Variants in NLGN1 observed in about 807,000 individuals in gnomAD.
NLGN1 encodes neuroligin-1.
In NLGN1, 12 loss-of-function variants were observed where a neutral mutation model predicts 65.5. The ratio of observed to expected loss-of-function variants is 0.18; its 90% CI spans 0.12 to 0.30. NLGN1 has a LOEUF of 0.30. Ranked by LOEUF, NLGN1 falls within the 10% of genes least tolerant of loss-of-function variation. NLGN1 has a pLI of 1.00. For missense variants in NLGN1, 750 were observed against 1,007.1 expected (o/e 0.74, Z 3.46); for synonymous variants, 350 against 359.5 (o/e 0.97, Z 0.30).
intron 4 of NLGN1, among the ~76,000 whole-genome samples, chr3:174,116,784 A>G (rs2152633249): frequency 6.6e-6 from 1 of 152,308 alleles, no homozygotes; most frequent in African/African-American, 2.4e-5. Flanking sequence ...GATAATGGCA[A>G]TTGAAATAGA....
intron 4 of NLGN1, among the ~76,000 whole-genome samples, chr3:173,932,470 A>G (rs1191626296): frequency 6.6e-6 from 1 of 151,930 alleles, no homozygotes; most frequent in Non-Finnish European, 1.5e-5. Flanking sequence ...TAACTAGGAC[A>G]TCTGTCTATG....
At chr3:173,892,383 C>A (rs1735516047) in intron 4 of NLGN1, among the ~76,000 whole-genome samples, 1 of 151,730 alleles carries the variant, frequency 6.6e-6, no homozygotes, top group Non-Finnish European at 1.5e-5. Flanking sequence ...TTGGGAGGAA[C>A]AAAACATTAT....
chr3:173,478,268 T>C (rs1280444559), intron 2 of NLGN1, among the ~76,000 whole-genome samples: 3 of 152,178 alleles, frequency 2.0e-5, no homozygotes, highest in Non-Finnish European at 4.4e-5. Context: ...TGGTTGGATC[T>C]GGAAGCCATT....
chr3:173,608,239 G>A lies in NLGN1; in HGVS notation c.493+3148G>A, dbSNP rs115423945. On this transcript the variant is annotated intron_variant, in intron 3 of 6. Coordinates refer to ENST00000457714, the Ensembl canonical transcript of NLGN1. ...ATAGGCTGCCTTCATTTTAAAACGG[G>A]TCCCAGTTGTACTTTTTAATCTGTT... Among the ~76,000 whole-genome samples, 1,416 of 151,852 alleles carry A rather than the reference G, an allele frequency of 9.3e-3. 17 individuals carry two copies. The highest frequency in any genetic ancestry group is 0.013 in the Non-Finnish European group (872 of 67,820).
intron 4 of NLGN1, among the ~76,000 whole-genome samples, chr3:174,089,530 A>C (rs952634637): frequency 3.9e-5 from 6 of 152,204 alleles, no homozygotes; most frequent in Non-Finnish European, 7.3e-5. Flanking sequence ...AAAGGAACAC[A>C]CAATTTTAGA....
intron 4 of NLGN1, among the ~76,000 whole-genome samples, chr3:173,997,272 A>G (rs561288805): frequency 6.6e-6 from 1 of 152,220 alleles, no homozygotes; most frequent in South Asian, 2.1e-4. Flanking sequence ...ATGGAGGAAC[A>G]ATGTTCCCAC....
intron 4 of NLGN1, among the ~76,000 whole-genome samples, chr3:174,009,364 A>G (rs936382645): frequency 2.6e-5 from 4 of 152,220 alleles, no homozygotes; most frequent in Non-Finnish European, 2.9e-5. Context: ...GGTCATAGGA[A>G]GTATTAATGA....
At chr3:173,805,818 AAACTGTATGTAGCAAACAGGCATTT>A (rs1716511435) in intron 3 of NLGN1, among the ~76,000 whole-genome samples, 1 of 152,204 alleles carries the variant, frequency 6.6e-6, no homozygotes, top group African/African-American at 2.4e-5. Flanking sequence ...TAAGAAGCTG[AAACTGTATGTAGCAAACAGGCATTT>A]AAGGTGCACA....
chr3:173,753,004 C>A (rs536222592), intron 3 of NLGN1, among the ~76,000 whole-genome samples: 4 of 152,250 alleles, frequency 2.6e-5, no homozygotes, highest in African/African-American at 7.2e-5. Flanking sequence ...ATACCATCCT[C>A]TTTTGCCAAC....
intron 2 of NLGN1, among the ~76,000 whole-genome samples, chr3:173,473,881 AGAC>A (rs1725739043): frequency 6.6e-6 from 1 of 152,134 alleles, no homozygotes; most frequent in South Asian, 2.1e-4. Context: ...TTCTTTAATG[AGAC>A]GGCAGATTTC....
intron 2 of NLGN1, among the ~76,000 whole-genome samples, chr3:173,511,006 T>C (rs17254553): frequency 0.037 from 5,603 of 152,254 alleles, 107 homozygotes; most frequent in Middle Eastern, 0.051. Context: ...TGTGCATAGT[T>C]GAGAAAGAAA....
Position 174,070,383 on chromosome 3 carries a change from G to A in NLGN1, c.647-204932G>A, listed in dbSNP as rs183021804. ...GTCTCGCTCTGTCACCCAGCCTGTA[G>A]TGCAGTAGTGCAATCTCAGCTCACT... is the stretch of plus-strand genomic sequence containing the variant. On this transcript the variant is annotated intron_variant, in intron 4 of 6. Transcript: ENST00000457714. 5.6e-4 allele frequency among the ~76,000 whole-genome samples: 85 copies of A among 151,122 alleles called. No individual in the cohort carries two copies. In the Middle Eastern group the frequency reaches 0.014, roughly 24 times the overall value.
intron 4 of NLGN1, among the ~76,000 whole-genome samples, chr3:174,185,404 G>A (rs968033914): frequency 3.9e-5 from 6 of 151,974 alleles, no homozygotes; most frequent in African/African-American, 9.7e-5. Flanking sequence ...GCCACTGAAC[G>A]CTTGAAATGT....
chr3:173,834,879 T>A (rs1288805819), intron 4 of NLGN1, among the ~76,000 whole-genome samples: 3 of 152,138 alleles, frequency 2.0e-5, no homozygotes, highest in African/African-American at 7.2e-5. Flanking sequence ...ACAGGGGATA[T>A]AACAGAGGAG....
chr3:173,547,969 G>A (rs1157922786), intron 2 of NLGN1, among the ~76,000 whole-genome samples: 4 of 151,850 alleles, frequency 2.6e-5, no homozygotes, highest in African/African-American at 9.7e-5. Flanking sequence ...GCACTATCTC[G>A]GGAGTAGTGC....
intron 4 of NLGN1, among the ~76,000 whole-genome samples, chr3:173,881,422 T>C (rs1733250174): frequency 1.7e-5 from 1 of 59,800 alleles, no homozygotes; most frequent in Non-Finnish European, 2.8e-5. Flanking sequence ...TCCACTCCTT[T>C]TTTTTTTTTT....
At chr3:173,961,386 C>A (rs1713529308) in intron 4 of NLGN1, among the ~76,000 whole-genome samples, 1 of 152,032 alleles carries the variant, frequency 6.6e-6, no homozygotes, top group East Asian at 1.9e-4. Context: ...GAATTTACTT[C>A]CAATTTTACT....
chr3:174,055,518 T>C (rs977819735), intron 4 of NLGN1, among the ~76,000 whole-genome samples: 8 of 151,976 alleles, frequency 5.3e-5, no homozygotes, highest in African/African-American at 1.7e-4. Context: ...TGAAGAAAAA[T>C]CTGGAGAGGG....
intron 3 of NLGN1, among the ~76,000 whole-genome samples, chr3:173,672,424 A>C (rs1332058952): frequency 6.6e-6 from 1 of 152,240 alleles, no homozygotes; most frequent in African/African-American, 2.4e-5. Flanking sequence ...TATTGTTTAC[A>C]ACAGAGTCTG....
Sources: allele counts gnomAD v4.1 joint callset (sites outside exome capture counted in the v4.1 genomes callset), GRCh38; gene constraint gnomAD v4.1.1; transcripts MANE v1.5; gene names NCBI Gene and HGNC (gene_info 2026-07-23, HGNC 2026-07-21).